The following CAMSAP2 variants were observed in gnomAD, a reference collection of about 807,000 sequenced individuals.
CAMSAP2 encodes calmodulin regulated spectrin associated protein family member 2, also known as calmodulin-regulated spectrin-associated protein 2.
Under a neutral mutation model 146.1 loss-of-function variants are expected in CAMSAP2, and 26 were observed. That is an observed-to-expected ratio of 0.18 (90% CI 0.13 to 0.25). CAMSAP2 has a LOEUF of 0.25. CAMSAP2 is among the 10% of genes least tolerant of loss of function. The pLI, the probability that CAMSAP2 is intolerant of heterozygous loss-of-function variation, is 1.00. For synonymous variants in CAMSAP2, 499 were observed against 596.6 expected (o/e 0.84, Z 2.38); for missense variants, 1,381 against 1,759.3 (o/e 0.78, Z 3.85).
intron 2 of CAMSAP2, among the ~76,000 whole-genome samples, chr1:200,766,636 A>G (rs1664960297): frequency 6.6e-6 from 1 of 152,082 alleles, no homozygotes; most frequent in Admixed American, 6.5e-5. Context: ...TCTCTGCTTT[A>G]ACTATAAATC....
chr1:200,815,645 G>T lies in CAMSAP2; in HGVS notation c.645+1G>T. 1 of 1,536,860 alleles carries T rather than the reference G, an allele frequency of 6.5e-7. No individual in the cohort carries two copies. The highest frequency in any genetic ancestry group is 8.8e-7 in the Non-Finnish European group (1 of 1,142,268). ...AGTTGAAGCTCCAGGAGGTCAAAAG[G>T]TATTTATTTCAAAAACAAAAAGGTG... On this transcript the variant is annotated splice_donor_variant, in intron 4 of 16. Coordinates refer to ENST00000358823, the MANE Select transcript of CAMSAP2 (RefSeq NM_203459.4). LOFTEE classifies it high-confidence loss of function.
intron 1 of CAMSAP2, among the ~76,000 whole-genome samples, chr1:200,760,034 G>A (rs559608920): frequency 6.6e-6 from 1 of 152,332 alleles, no homozygotes; most frequent in African/African-American, 2.4e-5. Context: ...GACATTGGAA[G>A]AGTAGGACTT....
At chr1:200,741,872 G>A (rs1226946993) in intron 1 of CAMSAP2, among the ~76,000 whole-genome samples, 1 of 152,184 alleles carries the variant, frequency 6.6e-6, no homozygotes, top group East Asian at 1.9e-4. Flanking sequence ...GATGTAGGTA[G>A]TGTGTTCCCC....
At chr1:200,817,116 G>T (rs1296213987) in intron 4 of CAMSAP2, among the ~76,000 whole-genome samples, 1 of 142,488 alleles carries the variant, frequency 7.0e-6, no homozygotes. Flanking sequence ...ACACGTGTGT[G>T]TATATACACG....
At chr1:200,770,415 C>G (rs1217630326) in intron 2 of CAMSAP2, among the ~76,000 whole-genome samples, 1 of 148,700 alleles carries the variant, frequency 6.7e-6, no homozygotes, top group East Asian at 2.0e-4. Flanking sequence ...TGTCCCCCTA[C>G]TATTTCTTTT....
chr1:200,773,835 A>C (rs1473866415), intron 2 of CAMSAP2, among the ~76,000 whole-genome samples: 1 of 151,902 alleles, frequency 6.6e-6, no homozygotes, highest in African/African-American at 2.4e-5. Context: ...ACAGTGAGCC[A>C]TGATTGTGCC....
chr1:200,773,788 A>G (rs1665186297), intron 2 of CAMSAP2, among the ~76,000 whole-genome samples: 2 of 152,034 alleles, frequency 1.3e-5, no homozygotes, highest in South Asian at 4.1e-4. Flanking sequence ...TGGGAGACTG[A>G]GGTGGGCGGA....
At position 200,856,133 on chromosome 1, in the gene CAMSAP2, T is replaced by C; in HGVS notation, c.4012+8T>C. ...CTGGAACAGAATATACAGGTTAGTG[T>C]CTATACATTTTTAGAGAAACATTTG... is the stretch of plus-strand genomic sequence containing the variant. On this transcript the variant is annotated splice_region_variant and intron_variant, in intron 15 of 16. Coordinates refer to ENST00000358823, the MANE Select transcript of CAMSAP2 (RefSeq NM_203459.4). 6.4e-7 allele frequency: 1 copy of C among 1,558,342 alleles called. No homozygotes were observed. Among genetic ancestry groups the C allele is most frequent in the Non-Finnish European group, 8.8e-7 (1 of 1,135,102 alleles).
chr1:200,843,002 T>G lies in CAMSAP2; in HGVS notation c.1021+915T>G, dbSNP rs556037460. Among the ~76,000 whole-genome samples, 3 of 144,698 alleles carry G rather than the reference T, an allele frequency of 2.1e-5. No individual in the cohort carries two copies. In the East Asian group the frequency reaches 6.1e-4, roughly 29 times the overall value. The allele number at this position is 144,698 out of a possible 152,430, so 94.9% of individuals were successfully genotyped here. A position where few individuals can be genotyped will look rare whatever the true frequency, so the allele number is the denominator to read the frequency against. On this transcript the variant is annotated intron_variant, in intron 7 of 16. Transcript: ENST00000358823. Reference sequence around the variant, plus strand: ...AAAAAAAAAGAAAAAAAAAAAAAACTAGAGGTTTATTTCTATAGGGGGAAA... The same window carrying G: ...AAAAAAAAAGAAAAAAAAAAAAAACGAGAGGTTTATTTCTATAGGGGGAAA...
intron 2 of CAMSAP2, 85 bp from the exon 3 acceptor site, chr1:200,807,288 TAGG>T: frequency 1.0e-6 from 1 of 993,950 alleles, no homozygotes; most frequent in Non-Finnish European, 1.4e-6. Context: ...TGCTGCTTGT[TAGG>T]AGATGTCATT....
At chr1:200,767,398 T>A (rs1263698174) in intron 2 of CAMSAP2, among the ~76,000 whole-genome samples, 2 of 150,816 alleles carry the variant, frequency 1.3e-5, no homozygotes, top group Non-Finnish European at 3.0e-5. Flanking sequence ...AATAATTCTC[T>A]AGTTACCATT....
At chr1:200,741,168 G>A (rs1256543704) in intron 1 of CAMSAP2, among the ~76,000 whole-genome samples, 2 of 152,128 alleles carry the variant, frequency 1.3e-5, no homozygotes, top group Non-Finnish European at 2.9e-5. Context: ...AAAATGATTT[G>A]AATTTGTTTT....
At position 200,848,646 on chromosome 1, in the gene CAMSAP2, A is replaced by T; in HGVS notation, c.1877A>T (p.Asp626Val). The T allele has an allele frequency of 1.2e-6, 2 of 1,614,158 alleles. No individual in the cohort carries two copies. Among genetic ancestry groups the T allele is most frequent in the Non-Finnish European group, 1.7e-6 (2 of 1,179,982 alleles). Reference sequence around the variant, plus strand: ...GATATTCCTGAAACTATGGACGAAGATTCTTCGTTGAGAGATTATACTGTA... The same window carrying T: ...GATATTCCTGAAACTATGGACGAAGTTTCTTCGTTGAGAGATTATACTGTA... ...SEDIPETMDEDSSLRDYTVSL... is the reference protein window; with the variant it reads ...SEDIPETMDEVSSLRDYTVSL... The change falls in exon 11 of 17, where the codon GAT becomes GTT. Residue 626 changes from aspartate to valine, a missense_variant. Physicochemically the swap from Asp to Val is radical, Grantham distance 152. Around this residue, in one of 4 missense-constraint regions of CAMSAP2, gnomAD observed 447 missense variants for 462.2 expected, o/e 0.97. Coordinates refer to ENST00000358823, the MANE Select transcript of CAMSAP2 (RefSeq NM_203459.4).
chr1:200,772,223 T>C (rs1665135639), intron 2 of CAMSAP2, among the ~76,000 whole-genome samples: 1 of 152,116 alleles, frequency 6.6e-6, no homozygotes, highest in African/African-American at 2.4e-5. Flanking sequence ...TTTATTTTTT[T>C]AAGATTCTAT....
At position 200,760,868 on chromosome 1, in the gene CAMSAP2, T is replaced by C; in HGVS notation, c.169T>C (p.Phe57Leu). The C allele has an allele frequency of 1.9e-6, 3 of 1,613,542 alleles. No individual in the cohort carries two copies. The highest frequency in any genetic ancestry group is 2.5e-6 in the Non-Finnish European group (3 of 1,179,638). ...TGTGCCAGAGGAACTTCAAGAACCA[T>C]TTTACACAGATCAGTATGACCAGGA... ...ENVPEELQEP[F>L]YTDQYDQEHI... Residue 57 changes from phenylalanine to leucine, a missense_variant, in exon 2 of 17, where the codon TTT becomes CTT. Around this residue, in one of 4 missense-constraint regions of CAMSAP2, gnomAD observed 284 missense variants for 406.9 expected, o/e 0.70. Transcript: ENST00000358823.
At chr1:200,815,318 C>T (rs1163472860) in intron 3 of CAMSAP2, among the ~76,000 whole-genome samples, 1 of 152,140 alleles carries the variant, frequency 6.6e-6, no homozygotes, top group Non-Finnish European at 1.5e-5. Context: ...CCAACCAGTT[C>T]CTGACATACA....
At chr1:200,780,363 C>G (rs1665397968) in intron 2 of CAMSAP2, among the ~76,000 whole-genome samples, 1 of 152,146 alleles carries the variant, frequency 6.6e-6, no homozygotes, top group Admixed American at 6.6e-5. Flanking sequence ...TTTTGTAACC[C>G]TTTAGCAGTA....
At chr1:200,844,162 C>A (rs987766585) in intron 7 of CAMSAP2, among the ~76,000 whole-genome samples, 1 of 152,122 alleles carries the variant, frequency 6.6e-6, no homozygotes, top group Non-Finnish European at 1.5e-5. Context: ...TGAACCACCA[C>A]ACCCAGCCAC....
chr1:200,851,258 T>C (rs898220298), intron 11 of CAMSAP2, among the ~76,000 whole-genome samples: 2 of 152,208 alleles, frequency 1.3e-5, no homozygotes, highest in Non-Finnish European at 2.9e-5. Context: ...TGGAGTACAA[T>C]GGCGCAATCT....
Sources: gnomAD v4.1 joint callset for allele counts (sites outside exome capture counted in the v4.1 genomes callset) on GRCh38, gnomAD v4.1.1 for gene constraint, gnomAD v4.1.1 regional missense constraint, MANE v1.5 for transcripts, NCBI Gene and HGNC (gene_info 2026-07-23, HGNC 2026-07-21) for gene names.